INPP4A: variants seen among roughly 807,000 people sequenced by gnomAD.
INPP4A encodes the protein inositol polyphosphate-4-phosphatase type I A, also known as inositol polyphosphate-4-phosphatase, type I, 107kD.
In INPP4A, 33 loss-of-function variants were observed where a neutral mutation model predicts 119.8. That is an observed-to-expected ratio of 0.28 (90% CI 0.21 to 0.37). The LOEUF (loss-of-function observed/expected upper bound fraction) is 0.37, where lower values mean the gene tolerates loss of function less well. INPP4A is among the 10% of genes least tolerant of loss of function. The pLI, the probability that INPP4A is intolerant of heterozygous loss-of-function variation, is 1.00. For missense variants in INPP4A, 956 were observed against 1,289.9 expected, an observed-to-expected ratio of 0.74 and a Z score of 3.97; for synonymous variants, 496 against 500.7, an observed-to-expected ratio of 0.99 and a Z score of 0.12.
chr2:98,542,005 T>C (rs1559040182), intron 10 of INPP4A, among the ~76,000 whole-genome samples: 2 of 152,226 alleles, frequency 1.3e-5, no homozygotes, highest in Non-Finnish European at 2.9e-5. Flanking sequence ...AACGTGGATG[T>C]TGGTTGGAAA....
chr2:98,520,210 TC>T, intron 3 of INPP4A, 56 bp downstream of exon 3: 1 of 1,298,190 alleles, frequency 7.7e-7, no homozygotes. Context: ...GCACCTGGGC[TC>T]CACACTGCAG....
intron 1 of INPP4A, among the ~76,000 whole-genome samples, chr2:98,512,346 T>C (rs1558977874): frequency 6.6e-6 from 1 of 152,224 alleles, no homozygotes; most frequent in Non-Finnish European, 1.5e-5. Context: ...GGCCCCACTC[T>C]GGGCCTCACA....
At chr2:98,526,850 G>A (rs147395995) in intron 4 of INPP4A, among the ~76,000 whole-genome samples, 232 of 152,310 alleles carry the variant, frequency 1.5e-3, no homozygotes, top group African/African-American at 5.3e-3. Flanking sequence ...CATGATGAGA[G>A]AAGGATTAAA....
At chr2:98,473,536 GC>G (rs1385062722) in intron 1 of INPP4A, among the ~76,000 whole-genome samples, 2 of 151,966 alleles carry the variant, frequency 1.3e-5, no homozygotes, top group African/African-American at 4.8e-5. Context: ...GTGTAGAGGG[GC>G]TGACACCGTG....
intron 13 of INPP4A, 199 bp from the exon 14 acceptor site, chr2:98,552,587 T>C (rs1384660397): frequency 1.4e-6 from 1 of 713,142 alleles, no homozygotes; most frequent in Admixed American, 1.9e-5. Flanking sequence ...CATAGTTTAA[T>C]ATTTCAAGCT....
At chr2:98,508,281 G>C (rs561367589) in intron 1 of INPP4A, among the ~76,000 whole-genome samples, 6 of 152,200 alleles carry the variant, frequency 3.9e-5, no homozygotes, top group Non-Finnish European at 7.3e-5. Flanking sequence ...GAAAAGGGAA[G>C]AGAAATCACC....
Position 98,554,512 on chromosome 2 carries a change from C to A in INPP4A, c.1566+23C>A. 6.3e-7 allele frequency: 1 copy of A among 1,598,142 alleles called. No individual in the cohort carries two copies. Among genetic ancestry groups the A allele is most frequent in the Non-Finnish European group, 8.6e-7 (1 of 1,168,938 alleles). On this transcript the variant is annotated intron_variant, in intron 15 of 24. Transcript: ENST00000409851. The surrounding 1 kb of genome is among the most constrained non-coding windows in gnomAD (Gnocchi z 4.7). ...TGGGTGAGTCTGCTGCTGTGGCTGT[C>A]ATCCCACTGCTGAACTTGGGCTGAA...
At chr2:98,447,123 TGGAGGG>T (rs1694327889) in intron 1 of INPP4A, among the ~76,000 whole-genome samples, 1 of 151,392 alleles carries the variant, frequency 6.6e-6, no homozygotes, top group South Asian at 2.1e-4. Flanking sequence ...TGAGGCAGAG[TGGAGGG>T]GGAGGCTTTC....
chr2:98,446,808 A>C (rs1167266202), intron 1 of INPP4A, among the ~76,000 whole-genome samples: 1 of 152,016 alleles, frequency 6.6e-6, no homozygotes, highest in East Asian at 1.9e-4. Flanking sequence ...TGTTTTCAAA[A>C]CTGGATATTT....
chr2:98,582,148 C>G (rs1699396626), intron 24 of INPP4A, among the ~76,000 whole-genome samples: 1 of 152,230 alleles, frequency 6.6e-6, no homozygotes, highest in Admixed American at 6.5e-5. Context: ...ATATTTGATA[C>G]TATTCTTTAA....
intron 1 of INPP4A, among the ~76,000 whole-genome samples, chr2:98,472,685 CTG>C (rs1158091144): frequency 6.6e-6 from 1 of 152,250 alleles, no homozygotes; most frequent in Non-Finnish European, 1.5e-5. Flanking sequence ...GTCTTCAAAT[CTG>C]TGCATCCTCA....
At chr2:98,562,628 A>G (rs917272274) in intron 17 of INPP4A, among the ~76,000 whole-genome samples, 1 of 152,152 alleles carries the variant, frequency 6.6e-6, no homozygotes, top group Non-Finnish European at 1.5e-5. Flanking sequence ...TCACATGCCT[A>G]TTTCTGGTCT....
intron 1 of INPP4A, among the ~76,000 whole-genome samples, chr2:98,474,256 A>G (rs908068539): frequency 6.6e-6 from 1 of 152,164 alleles, no homozygotes; most frequent in Non-Finnish European, 1.5e-5. Context: ...TTTGGTGTCC[A>G]TGGTGCAGTG....
At position 98,533,453 on chromosome 2, in the gene INPP4A, T is replaced by C; in HGVS notation, c.228T>C (p.Pro76=). The change falls in exon 5 of 25, where the codon CCT becomes CCC. Residue 76 remains proline (P), a synonymous_variant. Transcript: ENST00000409851. ...TTGCGGTGAGTGTCACCACCCCTCC[T>C]CAGGCATTCTGGACGAAGCATGCAC... ...SFVAVSVTTP[P]QAFWTKHAQT... 1.2e-6 allele frequency: 2 copies of C among 1,613,678 alleles called. No homozygotes were observed. Among genetic ancestry groups the C allele is most frequent in the South Asian group, 2.2e-5 (2 of 91,084 alleles).
At chr2:98,539,229 A>G (rs1690924650) in intron 9 of INPP4A, among the ~76,000 whole-genome samples, 1 of 152,240 alleles carries the variant, frequency 6.6e-6, no homozygotes, top group Non-Finnish European at 1.5e-5. Flanking sequence ...GTAATACTTC[A>G]TCTCACTCTT....
At chr2:98,562,570 A>G (rs1308093896) in intron 17 of INPP4A, among the ~76,000 whole-genome samples, 2 of 152,112 alleles carry the variant, frequency 1.3e-5, no homozygotes, top group South Asian at 2.1e-4. Flanking sequence ...GCTTCACTCC[A>G]TGACTTCTCA....
intron 16 of INPP4A, among the ~76,000 whole-genome samples, chr2:98,557,695 G>T (rs958170012): frequency 1.3e-5 from 2 of 152,214 alleles, no homozygotes; most frequent in Non-Finnish European, 2.9e-5. Context: ...CCCTGCCTCA[G>T]AGCTGCCCTG....
chr2:98,586,370 TCATA>T (rs1215821593), intron 24 of INPP4A, among the ~76,000 whole-genome samples: 1 of 152,172 alleles, frequency 6.6e-6, no homozygotes, highest in Non-Finnish European at 1.5e-5. Flanking sequence ...ATAATGGTCT[TCATA>T]CAATTTGAAT....
At chr2:98,545,312 T>G (rs1216118694) in intron 11 of INPP4A, among the ~76,000 whole-genome samples, 3 of 152,208 alleles carry the variant, frequency 2.0e-5, no homozygotes, top group Non-Finnish European at 4.4e-5. Flanking sequence ...TCCATTTAAT[T>G]AGTTATGGAT....
Sources: allele counts gnomAD v4.1 joint callset (sites outside exome capture counted in the v4.1 genomes callset), GRCh38; gene constraint gnomAD v4.1.1; non-coding constraint Gnocchi (gnomAD v3.1); transcripts MANE v1.5; gene names NCBI Gene and HGNC (gene_info 2026-07-23, HGNC 2026-07-21).